The following PLS1 variants were observed in gnomAD, a reference collection of about 807,000 sequenced individuals.
PLS1 encodes plastin-1.
A neutral mutation model predicts 73.7 loss-of-function variants in PLS1; 32 were observed. The observed-to-expected ratio is 0.43, with a 90% CI of 0.33 to 0.58. The LOEUF (loss-of-function observed/expected upper bound fraction) is 0.58. PLS1 is among the 20% of genes least tolerant of loss of function. The pLI is 0.04. For synonymous variants in PLS1, 217 were observed against 261.3 expected, an observed-to-expected ratio of 0.83 and a Z score of 1.63; for missense variants, 633 against 740.5, an observed-to-expected ratio of 0.85 and a Z score of 1.68.
chr3:142,692,286 TGAAAA>T (rs1385414576), intron 10 of PLS1, among the ~76,000 whole-genome samples: 4 of 152,156 alleles, frequency 2.6e-5, no homozygotes, highest in Non-Finnish European at 5.9e-5. Context: ...AGCCTGCAAA[TGAAAA>T]GAATGTTTTA....
At chr3:142,636,723 A>C (rs556163679) in intron 1 of PLS1, among the ~76,000 whole-genome samples, 4 of 152,334 alleles carry the variant, frequency 2.6e-5, no homozygotes, top group Admixed American at 6.5e-5. Context: ...CCCTCAACTC[A>C]CTAAGAAAAC....
chr3:142,671,399 A>G (rs2107845455), intron 4 of PLS1, among the ~76,000 whole-genome samples: 1 of 152,284 alleles, frequency 6.6e-6, no homozygotes, highest in East Asian at 1.9e-4. Flanking sequence ...TATAAACAAC[A>G]AAGTGGAAGT....
chr3:142,702,399 T>C (rs1386110913), intron 12 of PLS1, among the ~76,000 whole-genome samples: 1 of 152,222 alleles, frequency 6.6e-6, no homozygotes, highest in Non-Finnish European at 1.5e-5. Context: ...CAAATTCTTT[T>C]ATTGTATTAG....
At chr3:142,657,897 T>G (rs2037276192) in intron 1 of PLS1, among the ~76,000 whole-genome samples, 1 of 152,234 alleles carries the variant, frequency 6.6e-6, no homozygotes, top group African/African-American at 2.4e-5. Context: ...TTGAAGTAGT[T>G]AAGTTTCCTA....
At chr3:142,609,372 T>C (rs1318655155) in intron 1 of PLS1, among the ~76,000 whole-genome samples, 1 of 152,212 alleles carries the variant, frequency 6.6e-6, no homozygotes, top group Admixed American at 6.5e-5. Flanking sequence ...TTTGTGACTT[T>C]GCTTTCCTAA....
chr3:142,655,807 T>C (rs1347092757), intron 1 of PLS1, among the ~76,000 whole-genome samples: 2 of 152,054 alleles, frequency 1.3e-5, no homozygotes, highest in Non-Finnish European at 2.9e-5. Context: ...TGTTCCTGGC[T>C]TAACACTTCA....
chr3:142,678,029 T>C lies in PLS1; in HGVS notation c.498-3T>C, dbSNP rs1002536951. The stretch of plus-strand genomic sequence containing the variant: ...AACTAAATTATTCTCATTTTCTCTT[T>C]AGCAAAATGATCAACTTATCTGAAC... On this transcript the variant is annotated splice_polypyrimidine_tract_variant and splice_region_variant and intron_variant, in intron 5 of 15. Transcript: ENST00000457734. 4 of 1,470,016 alleles carry C rather than the reference T, an allele frequency of 2.7e-6. No individual in the cohort carries two copies. Among genetic ancestry groups the C allele is most frequent in the Non-Finnish European group, 3.7e-6 (4 of 1,080,496 alleles). 91.1% of individuals were successfully genotyped at this position (1,470,016 alleles called of 1,614,324 possible). A position where few individuals can be genotyped will look rare whatever the true frequency, so the allele number is the denominator to read the frequency against.
At chr3:142,665,229 TATC>T (rs1173046303) in intron 2 of PLS1, among the ~76,000 whole-genome samples, 1 of 145,500 alleles carries the variant, frequency 6.9e-6, no homozygotes, top group Non-Finnish European at 1.5e-5. Flanking sequence ...GTGAGTAAAA[TATC>T]ATGCAACATG....
At chr3:142,709,322 T>C (rs947166334) in intron 14 of PLS1, among the ~76,000 whole-genome samples, 6 of 152,072 alleles carry the variant, frequency 3.9e-5, no homozygotes, top group Admixed American at 3.9e-4. Context: ...ACAGAAAAGA[T>C]ACAAAAAGCA....
rs1290900775 is a variant in PLS1 at position 142,684,342 on chromosome 3, C to T, written c.835C>T (p.His279Tyr). 1 of 1,613,632 alleles carries T rather than the reference C, an allele frequency of 6.2e-7. No homozygotes were observed. Among genetic ancestry groups the T allele is most frequent in the Non-Finnish European group, 8.5e-7 (1 of 1,179,600 alleles). ...ATTACTGCTGCGATGGGTGAACTACCATCTGACCAATGCAGGATGGCATAC... is the reference window on the plus strand; with the variant it reads ...ATTACTGCTGCGATGGGTGAACTACTATCTGACCAATGCAGGATGGCATAC... ...EELLLRWVNY[H>Y]LTNAGWHTIS... The change falls in exon 8 of 16, where the codon CAT becomes TAT. Residue 279 changes from histidine to tyrosine, a missense_variant. His to Tyr is a moderately conservative substitution (Grantham distance 83). Transcript: ENST00000457734.
chr3:142,709,914 T>C (rs77798719), intron 14 of PLS1, among the ~76,000 whole-genome samples: 2,021 of 152,174 alleles, frequency 0.013, 17 homozygotes, highest in Non-Finnish European at 0.019. Flanking sequence ...TTTTATTAGA[T>C]ATTGATTAAG....
Position 142,661,251 on chromosome 3 carries a change from A to G in PLS1, c.-36-2951A>G, listed in dbSNP as rs111742034. Among the ~76,000 whole-genome samples, 1,087 of 152,350 alleles carry G rather than the reference A, an allele frequency of 7.1e-3. 17 individuals are homozygous for G. Among genetic ancestry groups the G allele is most frequent in the African/African-American group, 0.025 (1,054 of 41,594 alleles). ...GCTTTCTAAAGGTGAGAATCCAATG[A>G]AATGAGTATTTAATGCTAAGATGTA... On this transcript the variant is annotated intron_variant, in intron 1 of 15. Transcript: ENST00000457734.
chr3:142,671,071 A>G lies in PLS1; in HGVS notation c.313A>G (p.Ile105Val). The change falls in exon 4 of 16, where the codon ATT becomes GTT. Residue 105 changes from isoleucine to valine, a missense_variant. Ile to Val is a conservative substitution (Grantham distance 29). Transcript: ENST00000457734. The stretch of plus-strand genomic sequence containing the variant: ...TAACAAGAGGGAAGGGATTACTGCT[A>G]TTGGAGGAACTTCAACTATTTCCAG... ...IINKREGITA[I>V]GGTSTISSEG... The G allele has an allele frequency of 4.4e-6, 7 of 1,609,120 alleles. No homozygotes were observed. The highest frequency in any genetic ancestry group is 6.0e-6 in the Non-Finnish European group (7 of 1,175,884).
At chr3:142,687,841 A>C (rs79953566) in intron 9 of PLS1, among the ~76,000 whole-genome samples, 240 of 152,300 alleles carry the variant, frequency 1.6e-3, no homozygotes, top group African/African-American at 5.6e-3. Context: ...AACATCATCA[A>C]AATATCTAGT....
chr3:142,678,837 C>G (rs368116047), intron 6 of PLS1, among the ~76,000 whole-genome samples: 5,481 of 149,068 alleles, frequency 0.037, 117 homozygotes, highest in African/African-American at 0.05. Flanking sequence ...AGATCCCTGA[C>G]GAATCGCCAC....
chr3:142,702,035 T>C (rs904213108), intron 12 of PLS1, among the ~76,000 whole-genome samples: 1 of 152,254 alleles, frequency 6.6e-6, no homozygotes, highest in African/African-American at 2.4e-5. Flanking sequence ...ATATTATCTC[T>C]GCATTAAAAA....
intron 6 of PLS1, among the ~76,000 whole-genome samples, chr3:142,679,322 G>A (rs1166890195): frequency 6.7e-6 from 1 of 150,094 alleles, no homozygotes; most frequent in Non-Finnish European, 1.5e-5. Context: ...CATTGCTTTT[G>A]GTGTTTTAGA....
chr3:142,693,545 T>C (rs2038130455), intron 10 of PLS1, among the ~76,000 whole-genome samples: 1 of 152,198 alleles, frequency 6.6e-6, no homozygotes, highest in East Asian at 1.9e-4. Context: ...AGATGTAAAC[T>C]AGGCCATTCC....
intron 8 of PLS1, among the ~76,000 whole-genome samples, chr3:142,685,902 G>C (rs1222869750): frequency 6.6e-6 from 1 of 152,196 alleles, no homozygotes; most frequent in Admixed American, 6.5e-5. Flanking sequence ...ATTAAGATAG[G>C]CAAGGGGTGC....
Sources: gnomAD v4.1 joint callset for allele counts (sites outside exome capture counted in the v4.1 genomes callset) on GRCh38, gnomAD v4.1.1 for gene constraint, MANE v1.5 for transcripts, NCBI Gene and HGNC (gene_info 2026-07-23, HGNC 2026-07-21) for gene names.